DPP6: variants seen among roughly 807,000 people sequenced by gnomAD.
DPP6 encodes A-type potassium channel modulatory protein DPP6.
DPP6 carries 69 observed loss-of-function variants against 122.6 expected under a neutral mutation model. The observed-to-expected ratio is 0.56, with a 90% confidence interval of 0.46 to 0.69. DPP6 has a LOEUF of 0.69. DPP6 is among the 30% of genes least tolerant of loss of function. DPP6 has a pLI of 0.00. For synonymous variants in DPP6, 418 were observed against 433.1 expected (o/e 0.97, Z 0.43); for missense variants, 928 against 1,116.9 (o/e 0.83, Z 2.41).
chr7:154,104,755 G>A (rs576235822), intron 1 of DPP6, among the ~76,000 whole-genome samples: 6 of 152,326 alleles, frequency 3.9e-5, no homozygotes, highest in African/African-American at 1.4e-4. Context: ...TACACTCAAT[G>A]TAAGATCAGA....
At chr7:153,938,202 A>G (rs1403822932) in intron 1 of DPP6, among the ~76,000 whole-genome samples, 1 of 152,122 alleles carries the variant, frequency 6.6e-6, no homozygotes, top group Non-Finnish European at 1.5e-5. Flanking sequence ...CTGATCTATT[A>G]CCTTTTCTGT....
the DPP6 span, among the ~76,000 whole-genome samples, chr7:153,768,199 T>A: frequency 6.8e-6 from 1 of 147,322 alleles, no homozygotes; most frequent in Non-Finnish European, 1.5e-5. Context: ...TTTTTAATTT[T>A]CTATTGTTAA....
At position 154,127,307 on chromosome 7, in the gene DPP6, C is replaced by A. The variant is rs139702650; in HGVS notation, c.243+74244C>A. ...GAGAAAAGGGATATCAAAATATAAC[C>A]ATTTTTCTTTTGCCAAGAATACATT... On this transcript the variant is annotated intron_variant, in intron 1 of 25. Coordinates refer to ENST00000377770, the MANE Select transcript of DPP6 (RefSeq NM_130797.4). Among the ~76,000 whole-genome samples, 522 of 152,142 alleles carry A rather than the reference C, an allele frequency of 3.4e-3. 4 individuals carry two copies. The highest frequency in any genetic ancestry group is 0.012 in the African/African-American group (488 of 41,498).
At chr7:154,041,023 TAA>T (rs964436409) in intron 1 of DPP6, among the ~76,000 whole-genome samples, 45 of 152,160 alleles carry the variant, frequency 3.0e-4, no homozygotes, top group African/African-American at 1.1e-3. Flanking sequence ...CAGATAAACA[TAA>T]GAGTGTTATT....
chr7:154,056,081 A>C (rs527296767), intron 1 of DPP6, among the ~76,000 whole-genome samples: 52 of 152,346 alleles, frequency 3.4e-4, no homozygotes, highest in Admixed American at 1.2e-3. Flanking sequence ...GCGGAGATAG[A>C]ATGGCTAGAA....
At chr7:153,834,057 T>G in the DPP6 span, among the ~76,000 whole-genome samples, 1 of 152,092 alleles carries the variant, frequency 6.6e-6, no homozygotes, top group Non-Finnish European at 1.5e-5. Flanking sequence ...GAGGCCGAGA[T>G]GGGTGGATCA....
At chr7:154,263,703 T>A (rs1198633282) in intron 1 of DPP6, among the ~76,000 whole-genome samples, 3 of 151,726 alleles carry the variant, frequency 2.0e-5, no homozygotes, top group Non-Finnish European at 4.4e-5. Flanking sequence ...TATTATTATT[T>A]TTGAGACAAA....
the DPP6 span, among the ~76,000 whole-genome samples, chr7:153,799,356 G>A: frequency 0.45 from 68,423 of 151,972 alleles, 15,700 homozygotes; most frequent in Middle Eastern, 0.56. Context: ...TAACTTCTAA[G>A]GAATTTGTAC....
intron 5 of DPP6, among the ~76,000 whole-genome samples, chr7:154,619,926 C>T (rs1314530923): frequency 1.3e-5 from 2 of 152,160 alleles, no homozygotes; most frequent in East Asian, 3.9e-4. Flanking sequence ...GTTTTCAACT[C>T]TTGGTGTGCT....
chr7:154,103,691 G>A (rs1462967217), intron 1 of DPP6, among the ~76,000 whole-genome samples: 1 of 152,254 alleles, frequency 6.6e-6, no homozygotes, highest in Non-Finnish European at 1.5e-5. Flanking sequence ...CCCATCGGCT[G>A]CCAGTGCAGG....
At chr7:153,977,538 A>G (rs113557427) in intron 1 of DPP6, among the ~76,000 whole-genome samples, 2,032 of 152,020 alleles carry the variant, frequency 0.013, 48 homozygotes, top group African/African-American at 0.047. Flanking sequence ...CCCCAGCCTC[A>G]TTCTTTCTTT....
chr7:153,903,597 C>T (rs1799728628), intron 1 of DPP6, among the ~76,000 whole-genome samples: 2 of 152,320 alleles, frequency 1.3e-5, no homozygotes, highest in African/African-American at 2.4e-5. Context: ...CAAGGATACT[C>T]TTCAACATAT....
the DPP6 span, among the ~76,000 whole-genome samples, chr7:153,819,826 A>T: frequency 6.6e-6 from 1 of 152,144 alleles, no homozygotes; most frequent in East Asian, 1.9e-4. Flanking sequence ...ATGTAGTTTG[A>T]TCAGTATTTG....
rs115561980 is a variant in DPP6 at position 154,428,356 on chromosome 7, T to C, written c.244-17858T>C. Among the ~76,000 whole-genome samples the C allele has an allele frequency of 3.8e-3, 572 of 152,274 alleles. 3 individuals carry two copies. Among genetic ancestry groups the C allele is most frequent in the African/African-American group, 0.013 (540 of 41,548 alleles). ...ACCTAAAACAGATATTCCACTAATA[T>C]AGAGTGATTGAAGTATTCAGAGGAA... On this transcript the variant is annotated intron_variant, in intron 1 of 25. Coordinates refer to ENST00000377770, the MANE Select transcript of DPP6 (RefSeq NM_130797.4).
chr7:154,196,720 T>C (rs1398467551), intron 1 of DPP6, among the ~76,000 whole-genome samples: 1 of 152,284 alleles, frequency 6.6e-6, no homozygotes, highest in South Asian at 2.1e-4. Context: ...AAAACATCGA[T>C]GTCATCATCC....
At chr7:153,905,671 T>C (rs1326501853) in intron 1 of DPP6, among the ~76,000 whole-genome samples, 1 of 152,110 alleles carries the variant, frequency 6.6e-6, no homozygotes, top group Non-Finnish European at 1.5e-5. Context: ...TTAAATGAAA[T>C]GTAAAATGAA....
At position 154,208,042 on chromosome 7, in the gene DPP6, C is replaced by A. The variant is rs570948902; in HGVS notation, c.243+154979C>A. Among the ~76,000 whole-genome samples, 4 of 151,780 alleles carry A rather than the reference C, an allele frequency of 2.6e-5. No homozygotes were observed. The South Asian group carries it at 8.3e-4, about 32-fold the overall frequency. On this transcript the variant is annotated intron_variant, in intron 1 of 25. Coordinates refer to ENST00000377770, the MANE Select transcript of DPP6 (RefSeq NM_130797.4). ...ATTACATATCACTTGTTTTTTATTC[C>A]TGTGATATGATAAAGAAAACAGGCA... is the stretch of plus-strand genomic sequence containing the variant.
At chr7:154,874,614 C>G (rs1324029485) in intron 19 of DPP6, among the ~76,000 whole-genome samples, 1 of 152,244 alleles carries the variant, frequency 6.6e-6, no homozygotes, top group South Asian at 2.1e-4. Flanking sequence ...CTCGAGCGCG[C>G]CGCTCCTGGC....
At chr7:154,227,215 G>GACACACACACACACACACAAACAC (rs1554495537) in intron 1 of DPP6, among the ~76,000 whole-genome samples, 1 of 141,356 alleles carries the variant, frequency 7.1e-6, no homozygotes, top group Non-Finnish European at 1.5e-5. Flanking sequence ...GAAAATGAGG[G>GACACACACACACACACACAAACAC]ACACACACAC....
Sources: allele counts gnomAD v4.1 joint callset (sites outside exome capture counted in the v4.1 genomes callset), GRCh38; gene constraint gnomAD v4.1.1; transcripts MANE v1.5; gene names NCBI Gene and HGNC (gene_info 2026-07-23, HGNC 2026-07-21).